Variants in RGS8 observed in about 807,000 individuals in gnomAD.
RGS8 encodes regulator of G protein signaling 8.
Under a neutral mutation model 21.7 loss-of-function variants are expected in RGS8, and 8 were observed. That is an observed-to-expected ratio of 0.37 (90% CI 0.22 to 0.66). RGS8 has a LOEUF of 0.66. RGS8 is among the 30% of genes least tolerant of loss of function. The probability of loss-of-function intolerance (pLI) is 0.59; values close to 1 mark genes in which losing one functional copy is unlikely to be tolerated. For synonymous variants in RGS8, 80 were observed against 83.6 expected (o/e 0.96, Z 0.24); for missense variants, 157 against 217.9 (o/e 0.72, Z 1.76).
At chr1:182,657,214 C>T (rs1016828224) in intron 5 of RGS8, among the ~76,000 whole-genome samples, 3 of 152,014 alleles carry the variant, frequency 2.0e-5, no homozygotes, top group Non-Finnish European at 4.4e-5. Flanking sequence ...CCCTTCCATC[C>T]ACCTCCCACC....
the RGS8 span, among the ~76,000 whole-genome samples, chr1:182,729,586 C>T: frequency 1.1e-4 from 17 of 152,180 alleles, no homozygotes; most frequent in Admixed American, 5.2e-4. Context: ...AATATAGGGT[C>T]CTTCCTTGCT....
chr1:182,738,679 A>T, the RGS8 span, among the ~76,000 whole-genome samples: 1 of 152,232 alleles, frequency 6.6e-6, no homozygotes, highest in Admixed American at 6.5e-5. Flanking sequence ...TAAAAAAGGC[A>T]AAACAAAATT....
downstream of RGS8, chr1:182,644,586 ACT>A (rs1383413764): frequency 6.6e-6 from 1 of 151,916 alleles, no homozygotes; most frequent in African/African-American, 2.4e-5. Flanking sequence ...ATCGCACGAC[ACT>A]CTTGTTCAGG....
the RGS8 span, among the ~76,000 whole-genome samples, chr1:182,705,135 T>C: frequency 1.3e-5 from 2 of 152,170 alleles, no homozygotes; most frequent in Non-Finnish European, 2.9e-5. Context: ...AAATTCATTA[T>C]GAGAGATTGG....
the RGS8 span, among the ~76,000 whole-genome samples, chr1:182,749,862 T>A: frequency 1.4e-4 from 21 of 151,652 alleles, no homozygotes; most frequent in East Asian, 3.1e-3. Flanking sequence ...CATTAGTTAT[T>A]TGTCCTGATG....
the RGS8 span, among the ~76,000 whole-genome samples, chr1:182,719,500 C>G: frequency 1.3e-5 from 2 of 149,214 alleles, no homozygotes; most frequent in Admixed American, 6.7e-5. Context: ...TCTCTGTCAC[C>G]CAGTGGCGCA....
chr1:182,701,649 G>A, the RGS8 span, among the ~76,000 whole-genome samples: 4 of 152,216 alleles, frequency 2.6e-5, no homozygotes, highest in South Asian at 4.1e-4. Flanking sequence ...GTATCCAGCC[G>A]CCTGGAAAAC....
chr1:182,674,437 AGGAAAC>A (rs774391790), upstream of RGS8, among the ~76,000 whole-genome samples: 1 of 152,240 alleles, frequency 6.6e-6, no homozygotes, highest in Non-Finnish European at 1.5e-5. Context: ...GAATAACACA[AGGAAAC>A]GGAACATTAA....
At position 182,666,864 on chromosome 1, in the gene RGS8, C is replaced by T. The variant is rs780248064; in HGVS notation, c.128+8G>A. On this transcript the variant is annotated splice_region_variant and intron_variant, in intron 4 of 6. Transcript: ENST00000483095. ...ACCCAGGGAATGGCACGTGGCCGTA[C>T]TACTCACTTGAGAGCGCGGTTGGGT... 6.2e-7 allele frequency: 1 copy of T among 1,608,266 alleles called. No homozygotes were observed. Among genetic ancestry groups the T allele is most frequent in the South Asian group, 1.1e-5 (1 of 90,954 alleles).
At chr1:182,687,066 C>T (rs115524811), upstream of RGS8, among the ~76,000 whole-genome samples, 670 of 152,008 alleles carry the variant, frequency 4.4e-3, 3 homozygotes, top group Non-Finnish European at 8.1e-3. Context: ...GGGAACGTGG[C>T]TTAGTGCAGT....
chr1:182,696,635 C>G, the RGS8 span, among the ~76,000 whole-genome samples: 11 of 152,210 alleles, frequency 7.2e-5, no homozygotes, highest in African/African-American at 2.2e-4. Context: ...TAGGCGTGAG[C>G]CACCGTGCCA....
chr1:182,666,819 G>A (rs1319533713), intron 4 of RGS8, 53 bp downstream of exon 5: 2 of 1,325,024 alleles, frequency 1.5e-6, no homozygotes, highest in African/African-American at 1.4e-5. Flanking sequence ...AAAGAAGTGA[G>A]CTATATGACT....
chr1:182,697,196 T>A, the RGS8 span, among the ~76,000 whole-genome samples: 5 of 152,214 alleles, frequency 3.3e-5, no homozygotes, highest in African/African-American at 4.8e-5. Context: ...TATAAAGGCA[T>A]GGATATGGGC....
chr1:182,693,418 G>C, the RGS8 span, among the ~76,000 whole-genome samples: 1 of 152,130 alleles, frequency 6.6e-6, no homozygotes, highest in Non-Finnish European at 1.5e-5. Flanking sequence ...ACCACAATGA[G>C]ATACCATCTC....
At chr1:182,652,043 G>A (rs555118719) in intron 5 of RGS8, among the ~76,000 whole-genome samples, 1 of 152,308 alleles carries the variant, frequency 6.6e-6, no homozygotes, top group South Asian at 2.1e-4. Context: ...TTCAGTGAAT[G>A]AGGAGGAGAA....
chr1:182,646,462 G>A, exon 7 of RGS8: 1 of 403,486 alleles, frequency 2.5e-6, no homozygotes, highest in Non-Finnish European at 4.4e-6. Flanking sequence ...GGTGACCCAA[G>A]GCATTATATG....
the RGS8 span, among the ~76,000 whole-genome samples, chr1:182,741,838 C>T: frequency 3.0e-5 from 4 of 133,248 alleles, no homozygotes; most frequent in East Asian, 4.6e-4. Flanking sequence ...CGGGCAGAGG[C>T]GCCCCTCACC....
the RGS8 span, among the ~76,000 whole-genome samples, chr1:182,729,951 C>G: frequency 6.6e-6 from 1 of 152,124 alleles, no homozygotes; most frequent in Non-Finnish European, 1.5e-5. Flanking sequence ...CTTGGCAGAC[C>G]ATGTTTAGGC....
chr1:182,725,990 A>T, the RGS8 span, among the ~76,000 whole-genome samples: 1 of 152,224 alleles, frequency 6.6e-6, no homozygotes, highest in African/African-American at 2.4e-5. Context: ...GGCACAAGTA[A>T]AGCAGCTGTC....
Sources: allele counts gnomAD v4.1 joint callset (sites outside exome capture counted in the v4.1 genomes callset), GRCh38; gene constraint gnomAD v4.1.1; transcripts MANE v1.5; gene names NCBI Gene and HGNC (gene_info 2026-07-23, HGNC 2026-07-21).